SGCZ: variants seen among roughly 807,000 people sequenced by gnomAD.
SGCZ encodes zeta-sarcoglycan.
A neutral mutation model predicts 41.3 loss-of-function variants in SGCZ; 40 were observed. The ratio of observed to expected loss-of-function variants is 0.97; its 90% CI spans 0.75 to 1.26. The LOEUF is 1.26. Among genes scored for constraint, SGCZ ranks in the 50% most tolerant of loss-of-function variants. The pLI is 0.00. For missense variants in SGCZ, 552 were observed against 369.8 expected (o/e 1.49, Z -4.04); for synonymous variants, 206 against 137.5 (o/e 1.50, Z -3.49).
intron 2 of SGCZ, among the ~76,000 whole-genome samples, chr8:14,514,783 A>ATG (rs200862544): frequency 6.3e-4 from 63 of 100,390 alleles, no homozygotes; most frequent in South Asian, 4.4e-3. Context: ...ATATATGTAA[A>ATG]TGTGTGTGTG....
At chr8:14,474,979 G>A (rs1235704971) in intron 2 of SGCZ, among the ~76,000 whole-genome samples, 1 of 152,240 alleles carries the variant, frequency 6.6e-6, no homozygotes, top group East Asian at 1.9e-4. Flanking sequence ...AATGCCAGAA[G>A]AATTAAGTAT....
chr8:14,158,402 C>T (rs1338727629), intron 5 of SGCZ, among the ~76,000 whole-genome samples: 1 of 152,140 alleles, frequency 6.6e-6, no homozygotes, highest in African/African-American at 2.4e-5. Context: ...AGCAACCTGG[C>T]AATGTATTCC....
At chr8:15,159,890 GT>G (rs1158554150) in intron 1 of SGCZ, among the ~76,000 whole-genome samples, 2 of 151,540 alleles carry the variant, frequency 1.3e-5, no homozygotes, top group East Asian at 3.9e-4. Context: ...GTTGCAAATG[GT>G]AAGTGTGCTA....
intron 2 of SGCZ, among the ~76,000 whole-genome samples, chr8:14,421,759 C>T (rs1380402871): frequency 6.6e-6 from 1 of 151,958 alleles, no homozygotes; most frequent in African/African-American, 2.4e-5. Flanking sequence ...TGTAATTAAT[C>T]CCAAAAGCTC....
rs112765312 is a variant in SGCZ at position 15,179,223 on chromosome 8, G to A, written c.39+58362C>T. ...GATGAAGATCAAATAATAAAATAATGAAAGTTAATCTCAGTAGATTTTTCT... is the reference window on the plus strand; with the variant it reads ...GATGAAGATCAAATAATAAAATAATAAAAGTTAATCTCAGTAGATTTTTCT... On this transcript the variant is annotated intron_variant, in intron 1 of 7. Coordinates refer to ENST00000382080, the MANE Select transcript of SGCZ (RefSeq NM_139167.4). Among the ~76,000 whole-genome samples, 1,317 of 152,204 alleles carry A rather than the reference G, an allele frequency of 8.7e-3. 17 individuals carry two copies. The highest frequency in any genetic ancestry group is 0.028 in the African/African-American group (1,173 of 41,550).
intron 2 of SGCZ, among the ~76,000 whole-genome samples, chr8:14,456,369 T>C (rs1478729892): frequency 6.6e-6 from 1 of 151,960 alleles, no homozygotes; most frequent in East Asian, 1.9e-4. Flanking sequence ...GACTGCACCA[T>C]TGCACTCCAG....
intron 4 of SGCZ, among the ~76,000 whole-genome samples, chr8:14,181,701 T>C (rs192511580): frequency 6.6e-6 from 1 of 152,320 alleles, no homozygotes; most frequent in East Asian, 1.9e-4. Context: ...CAAGCGCTCT[T>C]GCCTGCTGCT....
intron 4 of SGCZ, among the ~76,000 whole-genome samples, chr8:14,220,079 G>A (rs1806139998): frequency 6.6e-6 from 1 of 152,124 alleles, no homozygotes; most frequent in Non-Finnish European, 1.5e-5. Flanking sequence ...AATTACTATT[G>A]CATCAACCTA....
intron 2 of SGCZ, among the ~76,000 whole-genome samples, chr8:14,551,473 T>TAA (rs1491107563): frequency 0.027 from 306 of 11,520 alleles, 17 homozygotes; most frequent in African/African-American, 0.043. Context: ...ATTATATATA[T>TAA]TATATATTAT....
chr8:15,113,158 A>G (rs1807135064), intron 1 of SGCZ, among the ~76,000 whole-genome samples: 1 of 151,404 alleles, frequency 6.6e-6, no homozygotes, highest in Non-Finnish European at 1.5e-5. Context: ...GCAGTGAGCC[A>G]TAATCACGCC....
intron 2 of SGCZ, among the ~76,000 whole-genome samples, chr8:14,386,696 T>A (rs1412779890): frequency 6.6e-6 from 1 of 152,180 alleles, no homozygotes; most frequent in Non-Finnish European, 1.5e-5. Context: ...ATTATAGAAA[T>A]GGGCTGCCAG....
intron 2 of SGCZ, among the ~76,000 whole-genome samples, chr8:14,504,210 T>G (rs1352088462): frequency 6.6e-6 from 1 of 152,252 alleles, no homozygotes; most frequent in African/African-American, 2.4e-5. Flanking sequence ...TGCCTTTAAA[T>G]GTCATCTTCA....
intron 1 of SGCZ, among the ~76,000 whole-genome samples, chr8:14,827,484 G>A (rs984088270): frequency 1.2e-4 from 18 of 151,962 alleles, no homozygotes; most frequent in African/African-American, 2.9e-4. Context: ...TGATGCACCC[G>A]CCTTGGCCTC....
At chr8:14,104,392 A>C (rs1054088292) in intron 6 of SGCZ, among the ~76,000 whole-genome samples, 3 of 150,320 alleles carry the variant, frequency 2.0e-5, no homozygotes, top group African/African-American at 7.3e-5. Context: ...AAGTTGCAAC[A>C]AGATACAGTT....
chr8:14,297,089 T>G (rs1343109140), intron 3 of SGCZ, among the ~76,000 whole-genome samples: 1 of 151,954 alleles, frequency 6.6e-6, no homozygotes, highest in Admixed American at 6.6e-5. Flanking sequence ...GCCCAGCTAA[T>G]TTTTTGTATT....
intron 1 of SGCZ, among the ~76,000 whole-genome samples, chr8:14,909,905 A>T (rs1799233331): frequency 6.6e-6 from 1 of 152,124 alleles, no homozygotes; most frequent in Admixed American, 6.5e-5. Flanking sequence ...TTTGCACAGC[A>T]TATTTCTATG....
At chr8:14,368,569 A>C (rs566856564) in intron 2 of SGCZ, among the ~76,000 whole-genome samples, 1 of 152,224 alleles carries the variant, frequency 6.6e-6, no homozygotes, top group South Asian at 2.1e-4. Context: ...GACGTTGTAC[A>C]TTAAATAGAA....
At chr8:14,393,588 G>T (rs1230655696) in intron 2 of SGCZ, among the ~76,000 whole-genome samples, 1 of 152,132 alleles carries the variant, frequency 6.6e-6, no homozygotes, top group African/African-American at 2.4e-5. Flanking sequence ...AAATTTCGGT[G>T]CATTCACCAT....
At chr8:14,780,439 A>G (rs562093687) in intron 1 of SGCZ, among the ~76,000 whole-genome samples, 3 of 152,168 alleles carry the variant, frequency 2.0e-5, no homozygotes, top group Admixed American at 6.5e-5. Flanking sequence ...TCTGAAATAT[A>G]GACATATTGA....
Sources: gnomAD v4.1 joint callset for allele counts (sites outside exome capture counted in the v4.1 genomes callset) on GRCh38, gnomAD v4.1.1 for gene constraint, MANE v1.5 for transcripts, NCBI Gene and HGNC (gene_info 2026-07-23, HGNC 2026-07-21) for gene names.